The following SLCO1B1 variants were observed in gnomAD, a reference collection of about 807,000 sequenced individuals.
The protein encoded by SLCO1B1 is solute carrier organic anion transporter family member 1B1, also known as OATP-2.
Under a neutral mutation model 70.1 loss-of-function variants are expected in SLCO1B1, and 81 were observed. The ratio of observed to expected loss-of-function variants is 1.16; its 90% CI spans 0.97 to 1.39. The LOEUF (loss-of-function observed/expected upper bound fraction) is 1.39. Among genes scored for constraint, SLCO1B1 ranks in the 40% most tolerant of loss-of-function variants. SLCO1B1 has a pLI of 0.00. For missense variants in SLCO1B1, 895 were observed against 799.6 expected (o/e 1.12, Z -1.44); for synonymous variants, 283 against 271.5 (o/e 1.04, Z -0.42).
In SLCO1B1 at chr12:21,202,470, CTTT is replaced by C. The variant is rs761311034; in HGVS notation, c.1136-16_1136-14del. ...TCAGAAAACTCATATATGATTACAA[CTTT>C]TTTTCTTTTTTTTCTAGGAGTCATA... is the stretch of plus-strand genomic sequence containing the variant. On this transcript the variant is annotated intron_variant, in intron 9 of 14. Transcript: ENST00000256958. 1 of 1,520,234 alleles carries C rather than the reference CTTT, an allele frequency of 6.6e-7. No homozygotes were observed. Among genetic ancestry groups the C allele is most frequent in the African/African-American group, 1.4e-5 (1 of 71,740 alleles). The allele number at this position is 1,520,234 out of a possible 1,614,324, so 94.2% of individuals were successfully genotyped here. A position where few individuals can be genotyped will look rare whatever the true frequency, so the allele number is the denominator to read the frequency against.
chr12:21,201,556 T>C (rs1381981254), intron 9 of SLCO1B1, among the ~76,000 whole-genome samples: 2 of 152,140 alleles, frequency 1.3e-5, no homozygotes, highest in African/African-American at 4.8e-5. Flanking sequence ...TGTATGTTTT[T>C]TAATAAATGA....
intron 2 of SLCO1B1, among the ~76,000 whole-genome samples, chr12:21,161,868 TGTG>T (rs1940623981): frequency 1.3e-5 from 2 of 151,808 alleles, no homozygotes; most frequent in Non-Finnish European, 2.9e-5. Context: ...ATTAGCCAGG[TGTG>T]ATGGCATGTG....
chr12:21,174,658 T>C lies in SLCO1B1; in HGVS notation c.308T>C (p.Ile103Thr), dbSNP rs1020651949. 3.1e-6 allele frequency: 5 copies of C among 1,613,490 alleles called. No homozygotes were observed. The East Asian group carries it at 1.1e-4, about 36-fold the overall frequency. The part of the protein sequence containing the change: ...RPKLIGIGCF[I>T]MGIGGVLTAL... Reference sequence around the variant, plus strand: ...AAGTTAATTGGAATCGGTTGTTTCATTATGGGAATTGGAGGTGTTTTGACT... The same window carrying C: ...AAGTTAATTGGAATCGGTTGTTTCACTATGGGAATTGGAGGTGTTTTGACT... Residue 103 changes from isoleucine (I) to threonine (T), a missense_variant, in exon 4 of 15, where the codon ATT (isoleucine) becomes ACT (threonine). Coordinates refer to ENST00000256958, the MANE Select transcript of SLCO1B1 (RefSeq NM_006446.5).
At chr12:21,219,072 A>G (rs2121183319) in intron 12 of SLCO1B1, among the ~76,000 whole-genome samples, 1 of 152,314 alleles carries the variant, frequency 6.6e-6, no homozygotes, top group East Asian at 1.9e-4. Flanking sequence ...AGAACTTTAT[A>G]AGCTTTTAGT....
chr12:21,205,824 T>C, intron 10 of SLCO1B1, 44 bp from the exon 11 acceptor site: 1 of 1,427,272 alleles, frequency 7.0e-7, no homozygotes, highest in Non-Finnish European at 9.8e-7. Flanking sequence ...TGTCTTTTTC[T>C]TCTCTCTCTC....
At chr12:21,151,469 C>G (rs1320458941) in intron 2 of SLCO1B1, among the ~76,000 whole-genome samples, 1 of 152,014 alleles carries the variant, frequency 6.6e-6, no homozygotes, top group Admixed American at 6.6e-5. Flanking sequence ...TCATTATTGT[C>G]ATTCATTTCA....
intron 2 of SLCO1B1, among the ~76,000 whole-genome samples, chr12:21,162,615 T>C (rs1940634913): frequency 6.6e-6 from 1 of 152,198 alleles, no homozygotes; most frequent in Non-Finnish European, 1.5e-5. Flanking sequence ...TGAGACGTAA[T>C]AAGGGTTTGG....
At position 21,195,757 on chromosome 12, in the gene SLCO1B1, A is replaced by C. The variant is rs893045842; in HGVS notation, c.728-1189A>C. Among the ~76,000 whole-genome samples the C allele has an allele frequency of 2.6e-5, 4 of 152,180 alleles. No homozygotes were observed. The South Asian group carries it at 8.3e-4, about 32-fold the overall frequency. The stretch of plus-strand genomic sequence containing the variant: ...CCAGGAGCTATGGGAATGCTTACAT[A>C]CTAGTTCAAGCTGCCTTCTTTATTT... On this transcript the variant is annotated intron_variant, in intron 7 of 14. Transcript: ENST00000256958.
chr12:21,205,897 T>C lies in SLCO1B1; in HGVS notation c.1361T>C (p.Val454Ala), dbSNP rs1941210013. ...GNNPVTSHRDVPLSYCNSDCN... is the reference protein window; with the variant it reads ...GNNPVTSHRDAPLSYCNSDCN... ...AATCCAGTGACATCTCATAGAGATG[T>C]ACCACTTTCTTATTGCAACTCAGAC... Residue 454 changes from valine (V) to alanine (A), a missense_variant, in exon 11 of 15, where the codon GTA becomes GCA. By Grantham distance (64) the Val-to-Ala change is moderately conservative (BLOSUM62 0). Transcript: ENST00000256958. The C allele has an allele frequency of 6.2e-7, 1 of 1,610,130 alleles. No homozygotes were observed. The highest frequency in any genetic ancestry group is 2.2e-5 in the East Asian group (1 of 44,772).
intron 7 of SLCO1B1, among the ~76,000 whole-genome samples, chr12:21,196,550 A>G (rs1941093708): frequency 1.3e-5 from 2 of 152,148 alleles, no homozygotes; most frequent in South Asian, 4.1e-4. Context: ...CTAAAATTTC[A>G]TTGCTGACCC....
intron 2 of SLCO1B1, among the ~76,000 whole-genome samples, chr12:21,160,324 A>G (rs1940600932): frequency 6.6e-6 from 1 of 152,060 alleles, no homozygotes; most frequent in Admixed American, 6.6e-5. Flanking sequence ...ATTAGGCCGC[A>G]TGCCTATGAA....
At position 21,195,016 on chromosome 12, in the gene SLCO1B1, G is replaced by C. The variant is rs188133946; in HGVS notation, c.728-1930G>C. 2.6e-4 allele frequency among the ~76,000 whole-genome samples: 40 copies of C among 152,226 alleles called. 2 individuals carry two copies. Among genetic ancestry groups the C allele is most frequent in the Middle Eastern group, 6.8e-3 (2 of 294 alleles). ...GAACTCATACACTATTGCAAGGACA[G>C]CACCAAGCAATGAAGGATCAACCCC... On this transcript the variant is annotated intron_variant, in intron 7 of 14. Transcript: ENST00000256958.
At chr12:21,210,821 A>C (rs1941274006) in intron 11 of SLCO1B1, among the ~76,000 whole-genome samples, 1 of 151,728 alleles carries the variant, frequency 6.6e-6, no homozygotes, top group Admixed American at 6.6e-5. Context: ...TCTTTAAAGC[A>C]ATTGTGAATG....
At chr12:21,186,022 G>T (rs1001620908) in intron 7 of SLCO1B1, among the ~76,000 whole-genome samples, 2 of 151,704 alleles carry the variant, frequency 1.3e-5, no homozygotes, top group African/African-American at 4.8e-5. Flanking sequence ...TGAACAGACC[G>T]ATAACAAGTT....
intron 14 of SLCO1B1, among the ~76,000 whole-genome samples, chr12:21,233,355 C>G (rs897250469): frequency 3.3e-5 from 5 of 152,088 alleles, no homozygotes; most frequent in African/African-American, 1.2e-4. Context: ...ATACACACAA[C>G]AAAGACAAGA....
rs776720872 is a variant in SLCO1B1, at chr12:21,196,929, A to G, written c.728-17A>G. 15 of 1,600,700 alleles carry G rather than the reference A, an allele frequency of 9.4e-6. No homozygotes were observed. The highest frequency in any genetic ancestry group is 1.2e-5 in the Non-Finnish European group (14 of 1,178,488). ...TCAAAATGATTTTTGACTGGCTTCT[A>G]TAATTATTTATTCTAGGCACTATCA... On this transcript the variant is annotated splice_polypyrimidine_tract_variant and intron_variant, in intron 7 of 14. Transcript: ENST00000256958.
At chr12:21,234,009 G>C (rs1267819539) in intron 14 of SLCO1B1, among the ~76,000 whole-genome samples, 2 of 152,208 alleles carry the variant, frequency 1.3e-5, no homozygotes, top group African/African-American at 4.8e-5. Flanking sequence ...TATCAAAACA[G>C]AGAAATTGCA....
At chr12:21,183,920 A>T (rs1302332017) in intron 7 of SLCO1B1, among the ~76,000 whole-genome samples, 6 of 151,948 alleles carry the variant, frequency 3.9e-5, no homozygotes, top group African/African-American at 1.2e-4. Flanking sequence ...TTCTGGAATT[A>T]AAAAAAATAC....
At chr12:21,161,848 A>G (rs190857832) in intron 2 of SLCO1B1, among the ~76,000 whole-genome samples, 258 of 152,158 alleles carry the variant, frequency 1.7e-3, no homozygotes, top group African/African-American at 6.0e-3. Flanking sequence ...TCTCTACTGA[A>G]AATATAAAAA....
Sources: allele counts gnomAD v4.1 joint callset (sites outside exome capture counted in the v4.1 genomes callset), GRCh38; gene constraint gnomAD v4.1.1; transcripts MANE v1.5; gene names NCBI Gene and HGNC (gene_info 2026-07-23, HGNC 2026-07-21).